Variants in TMCC1 observed in about 807,000 individuals in gnomAD.
TMCC1 encodes the protein transmembrane and coiled-coil domain family 1.
Under a neutral mutation model 52.4 loss-of-function variants are expected in TMCC1, and 15 were observed. The ratio of observed to expected loss-of-function variants is 0.29; its 90% CI spans 0.19 to 0.44. TMCC1 has a LOEUF of 0.44. Among genes scored for constraint, TMCC1 ranks in the 20% least tolerant of loss-of-function variants. The pLI, the probability that TMCC1 is intolerant of heterozygous loss-of-function variation, is 1.00. For missense variants in TMCC1, 503 were observed against 806.0 expected (o/e 0.62, Z 4.55); for synonymous variants, 279 against 301.9 (o/e 0.92, Z 0.79).
At chr3:129,886,610 G>A (rs539220844) in intron 1 of TMCC1, among the ~76,000 whole-genome samples, 150 of 152,198 alleles carry the variant, frequency 9.9e-4, no homozygotes, top group African/African-American at 3.4e-3. Context: ...CTACAACATG[G>A]ATGAATAAAA....
rs565870042 is a variant in TMCC1 at position 129,761,215 on chromosome 3, C to T, written c.576+66588G>A. ...TAGTGGCAGGCGCCTGTGGTCCCAG[C>T]TACTCGGGAGGGTGAGGCGGGAGAA... On this transcript the variant is annotated intron_variant, in intron 4 of 6. Coordinates refer to ENST00000393238, the MANE Select transcript of TMCC1 (RefSeq NM_001017395.5). 3.8e-4 allele frequency among the ~76,000 whole-genome samples: 58 copies of T among 151,810 alleles called. No individual in the cohort carries two copies. In the East Asian group the frequency reaches 0.011, roughly 28 times the overall value.
rs546980978 is a variant in TMCC1 at position 129,662,228 on chromosome 3, C to T, written c.1512-7125G>A. The stretch of plus-strand genomic sequence containing the variant: ...CTTAATCATACAAGAACAGTCATGC[C>T]TCACTTAATGATGGGGACACATCTT... On this transcript the variant is annotated intron_variant, in intron 5 of 6. Transcript: ENST00000393238. Among the ~76,000 whole-genome samples the T allele has an allele frequency of 9.2e-5, 14 of 152,126 alleles. No homozygotes were observed. The South Asian group carries it at 1.7e-3, about 18-fold the overall frequency.
intron 2 of TMCC1, among the ~76,000 whole-genome samples, chr3:129,842,044 G>A (rs1032771904): frequency 7.2e-5 from 11 of 152,154 alleles, no homozygotes; most frequent in African/African-American, 2.7e-4. Context: ...AATTCTAAAT[G>A]TGTATGTACC....
Position 129,720,604 on chromosome 3 carries a change from C to G in TMCC1, c.577-49340G>C, listed in dbSNP as rs556168383. ...GAGCCCCCCAACAACTATAATGACA[C>G]GAGGCAAGACCAGCCTAAGAACCAC... On this transcript the variant is annotated intron_variant, in intron 4 of 6. Coordinates refer to ENST00000393238, the MANE Select transcript of TMCC1 (RefSeq NM_001017395.5). 2.0e-5 allele frequency among the ~76,000 whole-genome samples: 3 copies of G among 152,310 alleles called. No individual in the cohort carries two copies. In the South Asian group the frequency reaches 6.2e-4, roughly 32 times the overall value.
At chr3:129,804,360 C>G (rs2057349062) in intron 4 of TMCC1, among the ~76,000 whole-genome samples, 1 of 152,110 alleles carries the variant, frequency 6.6e-6, no homozygotes, top group Non-Finnish European at 1.5e-5. Flanking sequence ...AGTGGTTACC[C>G]TGCAAATTAT....
chr3:129,798,617 T>C (rs2057001567), intron 4 of TMCC1, among the ~76,000 whole-genome samples: 1 of 151,510 alleles, frequency 6.6e-6, no homozygotes. Flanking sequence ...GGCAACCTGC[T>C]TTCAGCCTAA....
intron 1 of TMCC1, among the ~76,000 whole-genome samples, chr3:129,889,679 G>A (rs2061873863): frequency 6.6e-6 from 1 of 152,162 alleles, no homozygotes. Context: ...TTTACTCAGT[G>A]CATCTAGGAC....
At chr3:129,759,286 G>A (rs993596637) in intron 4 of TMCC1, among the ~76,000 whole-genome samples, 1 of 66,766 alleles carries the variant, frequency 1.5e-5, no homozygotes, top group Non-Finnish European at 3.0e-5. Flanking sequence ...TTTTTTTTTT[G>A]AGACAGAGCC....
At chr3:129,718,695 T>C (rs74652334) in intron 4 of TMCC1, among the ~76,000 whole-genome samples, 12 of 152,228 alleles carry the variant, frequency 7.9e-5, no homozygotes, top group African/African-American at 2.9e-4. Flanking sequence ...TACAGTACTG[T>C]AAATGTATTT....
intron 4 of TMCC1, among the ~76,000 whole-genome samples, chr3:129,674,102 G>A (rs1217330100): frequency 6.6e-6 from 1 of 152,136 alleles, no homozygotes; most frequent in Non-Finnish European, 1.5e-5. Flanking sequence ...TACCATCTAG[G>A]TTTGTGTAAG....
intron 1 of TMCC1, among the ~76,000 whole-genome samples, chr3:129,887,831 T>C (rs1301392915): frequency 1.3e-5 from 2 of 152,180 alleles, no homozygotes; most frequent in African/African-American, 2.4e-5. Flanking sequence ...CATAAAATAC[T>C]AGAAGCTGTC....
intron 4 of TMCC1, among the ~76,000 whole-genome samples, chr3:129,762,413 C>A (rs1266671695): frequency 6.6e-6 from 1 of 152,146 alleles, no homozygotes. Context: ...AATGATACTG[C>A]CTGATCACAT....
chr3:129,861,178 C>T (rs1018944070), intron 2 of TMCC1, among the ~76,000 whole-genome samples: 2 of 152,070 alleles, frequency 1.3e-5, no homozygotes, highest in African/African-American at 2.4e-5. Flanking sequence ...CAGTGGCTCA[C>T]ACCTGTAATT....
chr3:129,772,696 C>T (rs1576784747), intron 4 of TMCC1, among the ~76,000 whole-genome samples: 2 of 143,438 alleles, frequency 1.4e-5, no homozygotes, highest in African/African-American at 5.2e-5. Context: ...GCACTCCAGC[C>T]TGGGTGACAG....
At chr3:129,703,004 A>G (rs1338613470) in intron 4 of TMCC1, among the ~76,000 whole-genome samples, 3 of 152,224 alleles carry the variant, frequency 2.0e-5, no homozygotes, top group African/African-American at 4.8e-5. Flanking sequence ...CAACAGAGCG[A>G]GACTTTGTCT....
At chr3:129,674,954 C>A (rs2088277023) in intron 4 of TMCC1, among the ~76,000 whole-genome samples, 1 of 152,164 alleles carries the variant, frequency 6.6e-6, no homozygotes, top group Non-Finnish European at 1.5e-5. Flanking sequence ...GATTCTCCTG[C>A]CTCTTCCTGA....
In TMCC1 at chr3:129,828,005, C is replaced by T. The variant is rs942825719; in HGVS notation, c.374G>A (p.Arg125Gln). The T allele has an allele frequency of 3.7e-6, 6 of 1,614,116 alleles. No homozygotes were observed. The highest frequency in any genetic ancestry group is 3.3e-5 in the Admixed American group (2 of 60,004). Residue 125 changes from arginine to glutamine, a missense_variant, in exon 4 of 7, where the codon CGG (arginine) becomes CAG (glutamine). By Grantham distance (43) the Arg-to-Gln change is conservative. Around this residue, in one of 7 missense-constraint regions of TMCC1, gnomAD observed 217 missense variants for 297.9 expected, o/e 0.73. Transcript: ENST00000393238. The surrounding 1 kb of genome is among the most constrained non-coding windows in gnomAD (Gnocchi z 4.1). ...TCCCTTTGGGGCCTCTGGCTTGCCCCGCCTACTATGCAAGCTTGTCCCTCT... is the reference window on the plus strand; with the variant it reads ...TCCCTTTGGGGCCTCTGGCTTGCCCTGCCTACTATGCAAGCTTGTCCCTCT... ...MKRGTSLHSR[R>Q]GKPEAPKGSP...
At chr3:129,794,747 G>T (rs968486021) in intron 4 of TMCC1, among the ~76,000 whole-genome samples, 23 of 152,082 alleles carry the variant, frequency 1.5e-4, no homozygotes, top group African/African-American at 5.3e-4. Context: ...CGGTCTCTGT[G>T]GGAGGAGGAG....
chr3:129,769,806 C>T (rs1192029031), intron 4 of TMCC1, among the ~76,000 whole-genome samples: 3 of 152,118 alleles, frequency 2.0e-5, no homozygotes, highest in African/African-American at 7.2e-5. Context: ...AAACCACACT[C>T]CTCAGGGGAC....
Sources: gnomAD v4.1 joint callset for allele counts (sites outside exome capture counted in the v4.1 genomes callset) on GRCh38, gnomAD v4.1.1 for gene constraint, gnomAD v4.1.1 regional missense constraint, Gnocchi (gnomAD v3.1) non-coding constraint, MANE v1.5 for transcripts, NCBI Gene and HGNC (gene_info 2026-07-23, HGNC 2026-07-21) for gene names.